Variants in ANKRD44 observed in about 807,000 individuals in gnomAD.
The protein encoded by ANKRD44 is serine/threonine-protein phosphatase 6 regulatory ankyrin repeat subunit B.
A neutral mutation model predicts 116.0 loss-of-function variants in ANKRD44; 35 were observed. That is an observed-to-expected ratio of 0.30 (90% confidence interval 0.23 to 0.40). The LOEUF (loss-of-function observed/expected upper bound fraction) is 0.40, where lower values mean the gene tolerates loss of function less well. ANKRD44 is among the 10% of genes least tolerant of loss of function. The pLI, the probability that ANKRD44 is intolerant of heterozygous loss-of-function variation, is 1.00. For synonymous variants in ANKRD44, 435 were observed against 461.8 expected (o/e 0.94, Z 0.74); for missense variants, 1,014 against 1,242.6 (o/e 0.82, Z 2.77).
chr2:197,309,809 G>C (rs1019393225), intron 1 of ANKRD44, among the ~76,000 whole-genome samples: 3 of 152,182 alleles, frequency 2.0e-5, no homozygotes, highest in Non-Finnish European at 2.9e-5. Flanking sequence ...CCATTCCACA[G>C]ACCTGCGGCG....
intron 17 of ANKRD44, among the ~76,000 whole-genome samples, chr2:197,022,248 A>C (rs1279763594): frequency 6.6e-6 from 1 of 152,206 alleles, no homozygotes. Flanking sequence ...TTTAGAGAGA[A>C]AGAATAAAAT....
intron 8 of ANKRD44, among the ~76,000 whole-genome samples, chr2:197,111,158 T>C (rs780610197): frequency 1.3e-5 from 2 of 152,170 alleles, no homozygotes. Context: ...ACATCACATG[T>C]TTTAAAAGCT....
At chr2:197,194,999 C>T (rs1677412944) in intron 1 of ANKRD44, among the ~76,000 whole-genome samples, 1 of 152,166 alleles carries the variant, frequency 6.6e-6, no homozygotes, top group Non-Finnish European at 1.5e-5. Context: ...GGGAGCATCA[C>T]ATCAGCATAA....
At chr2:197,258,758 C>G (rs1030610332) in intron 1 of ANKRD44, among the ~76,000 whole-genome samples, 1 of 152,210 alleles carries the variant, frequency 6.6e-6, no homozygotes, top group Admixed American at 6.5e-5. Context: ...TTTGCTATTT[C>G]TGGTTTTCAG....
chr2:196,999,452 T>C (rs1442372940), intron 23 of ANKRD44, among the ~76,000 whole-genome samples: 5 of 152,222 alleles, frequency 3.3e-5, no homozygotes, highest in African/African-American at 1.2e-4. Flanking sequence ...TAATTTCTTT[T>C]AGAGGATAAT....
intron 3 of ANKRD44, among the ~76,000 whole-genome samples, chr2:197,145,418 T>A (rs2079474717): frequency 6.6e-6 from 1 of 152,158 alleles, no homozygotes; most frequent in South Asian, 2.1e-4. Flanking sequence ...CTGCCTACAA[T>A]TTTCCACGGG....
intron 1 of ANKRD44, among the ~76,000 whole-genome samples, chr2:197,225,687 A>C (rs1376761280): frequency 6.6e-6 from 1 of 150,900 alleles, no homozygotes; most frequent in East Asian, 1.9e-4. Context: ...GGTTTTGGGA[A>C]ATCTGATTCC....
chr2:197,039,275 G>C (rs1306369545), intron 16 of ANKRD44, among the ~76,000 whole-genome samples: 1 of 152,192 alleles, frequency 6.6e-6, no homozygotes, highest in African/African-American at 2.4e-5. Flanking sequence ...ATCTCTGAGG[G>C]AACAGCCACC....
At chr2:197,274,322 G>A (rs2083011151) in intron 1 of ANKRD44, among the ~76,000 whole-genome samples, 1 of 152,042 alleles carries the variant, frequency 6.6e-6, no homozygotes, top group Admixed American at 6.6e-5. Flanking sequence ...GCACAGTGAG[G>A]GTCTCTATGA....
intron 16 of ANKRD44, among the ~76,000 whole-genome samples, chr2:197,055,851 T>C (rs750308798): frequency 2.0e-5 from 3 of 152,158 alleles, no homozygotes; most frequent in Non-Finnish European, 4.4e-5. Context: ...TTTTGATGAG[T>C]TCATCTATCT....
intron 1 of ANKRD44, among the ~76,000 whole-genome samples, chr2:197,306,854 G>A (rs1219336275): frequency 2.6e-5 from 4 of 152,200 alleles, no homozygotes; most frequent in Non-Finnish European, 5.9e-5. Flanking sequence ...AAGGCCTCCA[G>A]GCAGGAAGCT....
chr2:197,282,554 A>G (rs1027877531), intron 1 of ANKRD44, among the ~76,000 whole-genome samples: 9 of 152,092 alleles, frequency 5.9e-5, no homozygotes, highest in African/African-American at 2.2e-4. Context: ...TCTGAGGGCC[A>G]CCCTGGGATG....
chr2:197,015,197 G>C (rs1260443606), intron 17 of ANKRD44: 1 of 304,366 alleles, frequency 3.3e-6, no homozygotes, highest in Non-Finnish European at 6.4e-6. Context: ...TGAGCATGTA[G>C]AGGAACCAGA....
At chr2:197,076,774 T>C (rs1440572664) in intron 16 of ANKRD44, among the ~76,000 whole-genome samples, 1 of 152,136 alleles carries the variant, frequency 6.6e-6, no homozygotes, top group Non-Finnish European at 1.5e-5. Context: ...CTTGCTCCTG[T>C]GTTTGTTTGC....
chr2:197,122,184 T>TG (rs1219772632), intron 7 of ANKRD44, among the ~76,000 whole-genome samples: 1 of 152,110 alleles, frequency 6.6e-6, no homozygotes, highest in Non-Finnish European at 1.5e-5. Context: ...TTTCCTTTCT[T>TG]GGGGGACAGG....
intron 1 of ANKRD44, among the ~76,000 whole-genome samples, chr2:197,202,160 G>A (rs1258766955): frequency 1.3e-5 from 2 of 152,152 alleles, no homozygotes; most frequent in African/African-American, 4.8e-5. Context: ...ATTTGGCACT[G>A]TGCAGCAACT....
chr2:197,056,861 A>G (rs907138335), intron 16 of ANKRD44, among the ~76,000 whole-genome samples: 80 of 152,338 alleles, frequency 5.3e-4, no homozygotes, highest in African/African-American at 1.9e-3. Flanking sequence ...ATATTAAATT[A>G]ACCTACCACC....
At chr2:197,152,756 A>C (rs978605370) in intron 2 of ANKRD44, among the ~76,000 whole-genome samples, 8 of 152,382 alleles carry the variant, frequency 5.2e-5, no homozygotes, top group African/African-American at 1.9e-4. Context: ...TTGAAGATTA[A>C]GAATTGTTAC....
At chr2:197,093,226 C>A (rs2078083436) in intron 10 of ANKRD44, among the ~76,000 whole-genome samples, 1 of 151,652 alleles carries the variant, frequency 6.6e-6, no homozygotes, top group Admixed American at 6.6e-5. Context: ...ATAATACAAG[C>A]AAATGAATTT....
Sources: allele counts gnomAD v4.1 joint callset (sites outside exome capture counted in the v4.1 genomes callset), GRCh38; gene constraint gnomAD v4.1.1; transcripts MANE v1.5; gene names NCBI Gene and HGNC (gene_info 2026-07-23, HGNC 2026-07-21).